NME8: variants seen among roughly 807,000 people sequenced by gnomAD.
NME8 encodes protein NME8.
Under a neutral mutation model 82.3 loss-of-function variants are expected in NME8, and 72 were observed. That is an observed-to-expected ratio of 0.87 (90% confidence interval 0.72 to 1.06). NME8 has a LOEUF of 1.06. Among genes scored for constraint, NME8 ranks in the 50% least tolerant of loss-of-function variants. The pLI, the probability that NME8 is intolerant of heterozygous loss-of-function variation, is 0.00. For synonymous variants in NME8, 267 were observed against 228.5 expected, an observed-to-expected ratio of 1.17 and a Z score of -1.52; for missense variants, 712 against 685.4, an observed-to-expected ratio of 1.04 and a Z score of -0.43.
intron 14 of NME8, 106 bp from the exon 15 acceptor site, chr7:37,888,171 T>G (rs1428406561): frequency 2.6e-6 from 3 of 1,146,414 alleles, no homozygotes; most frequent in Non-Finnish European, 2.6e-6. Flanking sequence ...TGTCAAGATC[T>G]GGAATTATTT....
intron 11 of NME8, among the ~76,000 whole-genome samples, 170 bp downstream of exon 11, chr7:37,868,068 G>A (rs1353373569): frequency 6.6e-6 from 1 of 152,222 alleles, no homozygotes; most frequent in Non-Finnish European, 1.5e-5. Context: ...GCCAGGTGAA[G>A]TGTCAGATAC....
chr7:37,897,867 C>T (rs564754848), intron 17 of NME8, among the ~76,000 whole-genome samples: 5 of 151,788 alleles, frequency 3.3e-5, no homozygotes, highest in Non-Finnish European at 7.4e-5. Context: ...GCGTAGTATT[C>T]CATGTACCAC....
chr7:37,854,516 A>G (rs879456262), intron 5 of NME8, among the ~76,000 whole-genome samples: 9 of 152,172 alleles, frequency 5.9e-5, no homozygotes, highest in Non-Finnish European at 8.8e-5. Context: ...AAATGTTTCT[A>G]TGTGGTACCA....
chr7:37,872,884 C>T lies in NME8; in HGVS notation c.819-3948C>T, dbSNP rs73340813. ...CTCAACTGATGCCACCACACCCCCA[C>T]CCCACACACAAATACAGGAACATCC... is the stretch of plus-strand genomic sequence containing the variant. On this transcript the variant is annotated intron_variant, in intron 11 of 17. Transcript: ENST00000199447. Among the ~76,000 whole-genome samples the T allele has an allele frequency of 4.3e-3, 650 of 152,282 alleles. 4 individuals are homozygous for T. Among genetic ancestry groups the T allele is most frequent in the African/African-American group, 0.014 (575 of 41,550 alleles).
chr7:37,872,889 C>A (rs1378538511), intron 11 of NME8, among the ~76,000 whole-genome samples: 1 of 152,198 alleles, frequency 6.6e-6, no homozygotes, highest in Non-Finnish European at 1.5e-5. Context: ...CCCCACCCCA[C>A]ACACAAATAC....
intron 5 of NME8, among the ~76,000 whole-genome samples, chr7:37,854,482 G>A (rs780869593): frequency 2.0e-5 from 3 of 152,058 alleles, no homozygotes; most frequent in Non-Finnish European, 2.9e-5. Flanking sequence ...TCTGTCTGAC[G>A]TTTTTGCTTT....
chr7:37,893,919 TGTGCTTTTGATCTG>T (rs1785175616), intron 15 of NME8, among the ~76,000 whole-genome samples: 1 of 152,282 alleles, frequency 6.6e-6, no homozygotes, highest in South Asian at 2.1e-4. Context: ...GACCACTCTA[TGTGCTTTTGATCTG>T]GAGCAAAGAA....
chr7:37,850,510 G>A, intron 4 of NME8, 75 bp downstream of exon 4: 1 of 1,572,458 alleles, frequency 6.4e-7, no homozygotes, highest in Non-Finnish European at 8.8e-7. Context: ...TCCCTCTAGA[G>A]TCCCCACTTT....
At chr7:37,892,076 T>C (rs1785137387) in intron 15 of NME8, among the ~76,000 whole-genome samples, 1 of 152,016 alleles carries the variant, frequency 6.6e-6, no homozygotes, top group African/African-American at 2.4e-5. Context: ...TCTTGTTTCC[T>C]GCATTTCTTT....
At chr7:37,885,747 T>C (rs1483354493) in intron 14 of NME8, among the ~76,000 whole-genome samples, 1 of 152,148 alleles carries the variant, frequency 6.6e-6, no homozygotes, top group Non-Finnish European at 1.5e-5. Context: ...ACCTGGCACA[T>C]AGGGGGAACT....
intron 12 of NME8, among the ~76,000 whole-genome samples, chr7:37,882,644 A>AAAGG: frequency 1.2e-5 from 1 of 85,204 alleles, no homozygotes; most frequent in South Asian, 4.1e-4. Context: ...AGAAAGAAAG[A>AAAGG]GAAAGAAAGA....
At chr7:37,897,928 C>G (rs1785255490) in intron 17 of NME8, among the ~76,000 whole-genome samples, 1 of 152,076 alleles carries the variant, frequency 6.6e-6, no homozygotes, top group Non-Finnish European at 1.5e-5. Flanking sequence ...GGTGCCATGT[C>G]TTTGCTATTG....
At chr7:37,884,250 C>T (rs1785007232) in intron 12 of NME8, 53 bp from the exon 13 acceptor site, 1 of 1,224,896 alleles carries the variant, frequency 8.2e-7, no homozygotes, top group Non-Finnish European at 1.2e-6. Context: ...GTATTGTGTA[C>T]ATAACCAGTA....
At chr7:37,858,857 G>C (rs776596242) in intron 6 of NME8, among the ~76,000 whole-genome samples, 3 of 152,162 alleles carry the variant, frequency 2.0e-5, no homozygotes, top group Non-Finnish European at 4.4e-5. Flanking sequence ...CATTGGGGCG[G>C]ATGCCTCATA....
In NME8 at chr7:37,867,708, T is replaced by A; in HGVS notation, c.628T>A (p.Phe210Ile). The stretch of plus-strand genomic sequence containing the variant: ...TTATCATTTTATTTTGTAGTGTGAC[T>A]TCGAAGAGTTTGTCTCTTTTATGAC... ...FYSRIADQCD[F>I]EEFVSFMTSG... Residue 210 changes from phenylalanine (F) to isoleucine (I), a missense_variant, in exon 11 of 18, where the codon TTC (phenylalanine) becomes ATC (isoleucine). Transcript: ENST00000199447. 1 of 1,612,116 alleles carries A rather than the reference T, an allele frequency of 6.2e-7. No homozygotes were observed. The highest frequency in any genetic ancestry group is 8.5e-7 in the Non-Finnish European group (1 of 1,178,312).
In NME8 at chr7:37,885,238, A is replaced by C; in HGVS notation, c.1233A>C (p.Glu411Asp). The change falls in exon 14 of 18, where the codon GAA (glutamate) becomes GAC (aspartate). Residue 411 changes from glutamate to aspartate, a missense_variant. Transcript: ENST00000199447. ...CAAGAACTGTTGAAGAAGCCATTGA[A>C]TATTTTCCAGAGAGGTAGGATTCAT... ...LGPRTVEEAI[E>D]YFPESLCAQF... 1 of 1,610,180 alleles carries C rather than the reference A, an allele frequency of 6.2e-7. No individual in the cohort carries two copies. Among genetic ancestry groups the C allele is most frequent in the East Asian group, 2.2e-5 (1 of 44,774 alleles).
intron 12 of NME8, among the ~76,000 whole-genome samples, chr7:37,878,245 A>G (rs1334792414): frequency 6.6e-6 from 1 of 152,134 alleles, no homozygotes; most frequent in Non-Finnish European, 1.5e-5. Flanking sequence ...TTTTGATAAC[A>G]TGGTGGATTA....
intron 13 of NME8, 84 bp downstream of exon 13, chr7:37,884,531 G>C: frequency 8.5e-7 from 1 of 1,177,266 alleles, no homozygotes; most frequent in Non-Finnish European, 1.3e-6. Flanking sequence ...TATTTAAGCT[G>C]CCAAACTCCT....
chr7:37,890,307 A>T (rs1785108777), intron 15 of NME8, among the ~76,000 whole-genome samples: 1 of 151,914 alleles, frequency 6.6e-6, no homozygotes, highest in South Asian at 2.1e-4. Flanking sequence ...CGTATTTTTA[A>T]TTTTTTAAAT....
Sources: gnomAD v4.1 joint callset for allele counts (sites outside exome capture counted in the v4.1 genomes callset) on GRCh38, gnomAD v4.1.1 for gene constraint, MANE v1.5 for transcripts, NCBI Gene and HGNC (gene_info 2026-07-23, HGNC 2026-07-21) for gene names.